RIPOR2: variants seen among roughly 807,000 people sequenced by gnomAD.
RIPOR2 encodes the protein RHO family interacting cell polarization regulator 2, also known as rho family-interacting cell polarization regulator 2.
In RIPOR2, 39 loss-of-function variants were observed where a neutral mutation model predicts 114.5. That is an observed-to-expected ratio of 0.34 (90% confidence interval 0.26 to 0.44). The LOEUF (loss-of-function observed/expected upper bound fraction) is 0.44, where lower values mean the gene tolerates loss of function less well. Ranked by LOEUF, RIPOR2 falls within the 20% of genes least tolerant of loss-of-function variation. The probability of loss-of-function intolerance (pLI) is 1.00; values close to 1 mark genes in which losing one functional copy is unlikely to be tolerated. For missense variants in RIPOR2, 1,007 were observed against 1,255.1 expected, an observed-to-expected ratio of 0.80 and a Z score of 2.99; for synonymous variants, 445 against 484.4, an observed-to-expected ratio of 0.92 and a Z score of 1.07.
intron 9 of RIPOR2, among the ~76,000 whole-genome samples, chr6:24,852,139 G>A (rs1763018684): frequency 6.6e-6 from 1 of 152,156 alleles, no homozygotes; most frequent in Admixed American, 6.5e-5. Flanking sequence ...GTGCACACCT[G>A]TAGTCCCAGC....
intron 1 of RIPOR2, among the ~76,000 whole-genome samples, chr6:24,908,584 C>A (rs551829065): frequency 6.6e-6 from 1 of 152,108 alleles, no homozygotes; most frequent in Admixed American, 6.6e-5. Context: ...GGGGTTTTAT[C>A]GTAGTAGGGA....
intron 1 of RIPOR2, among the ~76,000 whole-genome samples, chr6:25,018,050 A>G (rs1222219039): frequency 1.3e-5 from 2 of 152,252 alleles, no homozygotes; most frequent in African/African-American, 4.8e-5. Context: ...GGAAAGCCAT[A>G]GCATTGAGCT....
intron 12 of RIPOR2, among the ~76,000 whole-genome samples, chr6:24,845,553 A>G (rs10806995): frequency 0.3 from 45,827 of 151,972 alleles, 7,944 homozygotes; most frequent in East Asian, 0.66. Context: ...CAAATTCCAA[A>G]GTCCTTCCCA....
intron 9 of RIPOR2, among the ~76,000 whole-genome samples, chr6:24,851,746 C>G (rs1263639696): frequency 7.1e-6 from 1 of 141,494 alleles, no homozygotes; most frequent in Non-Finnish European, 1.5e-5. Context: ...GCCCTTGGAT[C>G]AGGAAAAAAA....
At chr6:24,980,439 T>C (rs886285160) in intron 1 of RIPOR2, among the ~76,000 whole-genome samples, 1 of 152,160 alleles carries the variant, frequency 6.6e-6, no homozygotes, top group Non-Finnish European at 1.5e-5. Context: ...GATACATGCA[T>C]TTTTATATAA....
chr6:25,006,475 T>C (rs1775566412), intron 1 of RIPOR2, among the ~76,000 whole-genome samples: 1 of 152,236 alleles, frequency 6.6e-6, no homozygotes. Flanking sequence ...TCTTTTCAAA[T>C]CTCTCTTGCC....
At chr6:25,028,102 T>C (rs1430334058) in intron 1 of RIPOR2, among the ~76,000 whole-genome samples, 1 of 152,234 alleles carries the variant, frequency 6.6e-6, no homozygotes, top group Non-Finnish European at 1.5e-5. Context: ...CTGTAGAGAT[T>C]TGAACATTCG....
intron 1 of RIPOR2, chr6:25,024,500 A>G: frequency 1.3e-6 from 1 of 762,682 alleles, no homozygotes; most frequent in Non-Finnish European, 2.3e-6. Flanking sequence ...CTGGGATTGG[A>G]GGCGCGAGTT....
chr6:24,820,569 T>G (rs1004524231), intron 19 of RIPOR2, among the ~76,000 whole-genome samples: 2 of 152,182 alleles, frequency 1.3e-5, no homozygotes, highest in Non-Finnish European at 2.9e-5. Context: ...CTACTCTCCA[T>G]TACTATGGAT....
At chr6:25,013,897 C>G (rs1775871532) in intron 1 of RIPOR2, among the ~76,000 whole-genome samples, 1 of 152,110 alleles carries the variant, frequency 6.6e-6, no homozygotes, top group Admixed American at 6.5e-5. Context: ...TCTTCGTTGC[C>G]TTTTTATTTT....
intron 12 of RIPOR2, 39 bp from the exon 13 acceptor site, chr6:24,843,593 A>G (rs1328955113): frequency 1.5e-6 from 2 of 1,367,666 alleles, no homozygotes; most frequent in East Asian, 2.5e-5. Flanking sequence ...TTTCAATACA[A>G]ATGATGCATT....
At chr6:24,976,367 G>A (rs1013190913) in intron 1 of RIPOR2, 10 of 1,146,350 alleles carry the variant, frequency 8.7e-6, no homozygotes, top group Middle Eastern at 2.4e-4. Context: ...ATTAAGAAAC[G>A]AGAAAAGGCT....
chr6:24,912,898 T>C (rs2817731), intron 1 of RIPOR2, among the ~76,000 whole-genome samples: 55,041 of 151,980 alleles, frequency 0.36, 10,171 homozygotes, highest in South Asian at 0.44. Context: ...ACTTTATAGA[T>C]ATTATCCCAC....
intron 1 of RIPOR2, among the ~76,000 whole-genome samples, chr6:25,031,669 A>G (rs1245090410): frequency 7.4e-6 from 1 of 135,154 alleles, no homozygotes; most frequent in East Asian, 2.3e-4. Flanking sequence ...ATAGATAGGT[A>G]TATGGTTAGG....
Position 24,858,923 on chromosome 6 carries a change from TC to T in RIPOR2, c.715+2049del, listed in dbSNP as rs1390777566. The stretch of plus-strand genomic sequence containing the variant: ...TCTGGTCCGAGGGTGGTCCCTTTCC[TC>T]CCCATCCCACTCCTAGGGTGTCTCT... On this transcript the variant is annotated intron_variant, in intron 8 of 21. Coordinates refer to ENST00000643898, the MANE Select transcript of RIPOR2 (RefSeq NM_001286445.3). This position sits in a 1 kb window ranked among gnomAD's most constrained non-coding sequence, Gnocchi z 4.0. 6.6e-6 allele frequency among the ~76,000 whole-genome samples: 1 copy of T among 152,030 alleles called. No homozygotes were observed. The highest frequency in any genetic ancestry group is 1.5e-5 in the Non-Finnish European group (1 of 67,988).
intron 12 of RIPOR2, chr6:24,847,565 G>A: frequency 6.4e-7 from 1 of 1,551,656 alleles, no homozygotes. Flanking sequence ...ACGGCCTTGG[G>A]ACTCGGCCTG....
chr6:24,846,373 C>T (rs1167050762), intron 12 of RIPOR2, among the ~76,000 whole-genome samples: 1 of 133,376 alleles, frequency 7.5e-6, no homozygotes, highest in African/African-American at 2.8e-5. Flanking sequence ...GTGGTGCAAT[C>T]ATAACTCACT....
chr6:25,008,821 A>T (rs923190818), intron 1 of RIPOR2, among the ~76,000 whole-genome samples: 3 of 152,238 alleles, frequency 2.0e-5, no homozygotes, highest in African/African-American at 7.2e-5. Context: ...TGGAGGAGCC[A>T]TTGGCATTTG....
intron 20 of RIPOR2, among the ~76,000 whole-genome samples, chr6:24,811,031 CT>C (rs58306945): frequency 0.049 from 7,430 of 151,980 alleles, 357 homozygotes; most frequent in African/African-American, 0.13. Flanking sequence ...TCTCAAACTC[CT>C]GACCTCAGGT....
Sources: allele counts gnomAD v4.1 joint callset (sites outside exome capture counted in the v4.1 genomes callset), GRCh38; gene constraint gnomAD v4.1.1; non-coding constraint Gnocchi (gnomAD v3.1); transcripts MANE v1.5; gene names NCBI Gene and HGNC (gene_info 2026-07-23, HGNC 2026-07-21).